Variants in RHOA observed in about 807,000 individuals in gnomAD.
RHOA encodes transforming protein RhoA.
In RHOA, 3 loss-of-function variants were observed where a neutral mutation model predicts 17.5. That is an observed-to-expected ratio of 0.17 (90% CI 0.08 to 0.44). RHOA has a LOEUF of 0.44. Ranked by LOEUF, RHOA falls within the 20% of genes least tolerant of loss-of-function variation. The pLI is 0.99. For synonymous variants in RHOA, 98 were observed against 88.4 expected (o/e 1.11, Z -0.61); for missense variants, 56 against 242.3 (o/e 0.23, Z 5.10).
rs201222578 is a variant in RHOA, at chr3:49,394,131, AAGTGCTGGGATT to A, written c.-3+17677_-3+17688del. On this transcript the variant is annotated intron_variant, in intron 1 of 4. Coordinates refer to ENST00000418115, the MANE Select transcript of RHOA (RefSeq NM_001664.4). Reference sequence around the variant, plus strand: ...GTGATCTGCCTGCCTCAGCCTCCCAAAGTGCTGGGATTACAGGTGTGAGCCACCGCCCCCGGC... The same window carrying A: ...GTGATCTGCCTGCCTCAGCCTCCCAAACAGGTGTGAGCCACCGCCCCCGGC... Among the ~76,000 whole-genome samples the A allele has an allele frequency of 6.5e-3, 987 of 152,042 alleles. 13 individuals are homozygous for A. Among genetic ancestry groups the A allele is most frequent in the African/African-American group, 0.022 (914 of 41,460 alleles).
chr3:49,372,733 CAAAAAAAAAAAA>C (rs11460016), intron 2 of RHOA, among the ~76,000 whole-genome samples: 1 of 83,150 alleles, frequency 1.2e-5, no homozygotes, highest in African/African-American at 4.3e-5. Context: ...GACTCTGTCT[CAAAAAAAAAAAA>C]AAAAAAAAGG....
intron 1 of RHOA, among the ~76,000 whole-genome samples, chr3:49,407,742 C>G (rs1290831851): frequency 1.3e-5 from 2 of 152,064 alleles, no homozygotes; most frequent in Admixed American, 6.6e-5. Context: ...TATGATTTGG[C>G]CCCTGCCCAC....
chr3:49,411,226 C>G (rs4855875), intron 1 of RHOA, among the ~76,000 whole-genome samples: 148,463 of 152,142 alleles, frequency 0.98, 72,553 homozygotes, highest in Middle Eastern at 1. Context: ...GGGCGCGTTC[C>G]AGGTGGTATG....
At chr3:49,388,749 G>A (rs964321918) in intron 1 of RHOA, among the ~76,000 whole-genome samples, 3 of 152,080 alleles carry the variant, frequency 2.0e-5, no homozygotes, top group African/African-American at 7.2e-5. Context: ...TTTGAAATGT[G>A]GAGCTGTTCA....
At chr3:49,399,641 A>G (rs1379664290) in intron 1 of RHOA, among the ~76,000 whole-genome samples, 1 of 150,510 alleles carries the variant, frequency 6.6e-6, no homozygotes, top group African/African-American at 2.5e-5. Context: ...GCTGGAGTGC[A>G]GTGGAGTGAT....
At chr3:49,387,753 CA>C (rs36093993) in intron 1 of RHOA, among the ~76,000 whole-genome samples, 116 of 139,664 alleles carry the variant, frequency 8.3e-4, no homozygotes, top group African/African-American at 1.8e-3. Flanking sequence ...AAAAAAAAAA[CA>C]AAAAAAAAAA....
chr3:49,359,961 C>T lies in RHOA; in HGVS notation c.*248G>A, dbSNP rs1401402995. 4.9e-6 allele frequency: 2 copies of T among 410,050 alleles called. No homozygotes were observed. Among genetic ancestry groups the T allele is most frequent in the African/African-American group, 2.1e-5 (1 of 48,686 alleles). The allele number at this position is 410,050 out of a possible 1,614,324, so 25.4% of individuals were successfully genotyped here. On this transcript the variant is annotated 3_prime_UTR_variant, in exon 5 of 5. Coordinates refer to ENST00000418115, the MANE Select transcript of RHOA (RefSeq NM_001664.4). ...GAAGTTAAGAAATTCCTTGAATTAG[C>T]GCCTGGTGTGTCAGGTGGGAGTGCA...
At chr3:49,408,985 G>C (rs1340405925) in intron 1 of RHOA, among the ~76,000 whole-genome samples, 1 of 151,578 alleles carries the variant, frequency 6.6e-6, no homozygotes, top group African/African-American at 2.4e-5. Context: ...TAGTAGAGAC[G>C]GGGTTTCACC....
intron 1 of RHOA, among the ~76,000 whole-genome samples, chr3:49,376,871 A>G (rs1459147016): frequency 6.6e-6 from 1 of 151,984 alleles, no homozygotes; most frequent in East Asian, 1.9e-4. Flanking sequence ...GCTCACGCCT[A>G]TAATCCCAGC....
At chr3:49,391,989 G>A (rs1483647694) in intron 1 of RHOA, among the ~76,000 whole-genome samples, 2 of 151,536 alleles carry the variant, frequency 1.3e-5, no homozygotes, top group East Asian at 3.9e-4. Flanking sequence ...CACTATGTTC[G>A]GCTCATTTCC....
At chr3:49,405,328 G>A (rs1488432941) in intron 1 of RHOA, among the ~76,000 whole-genome samples, 1 of 151,820 alleles carries the variant, frequency 6.6e-6, no homozygotes, top group Non-Finnish European at 1.5e-5. Context: ...CTAATGGGGA[G>A]GCTGAGGCAG....
chr3:49,407,624 T>C (rs1419320157), intron 1 of RHOA, among the ~76,000 whole-genome samples: 1 of 152,124 alleles, frequency 6.6e-6, no homozygotes, highest in Admixed American at 6.5e-5. Flanking sequence ...ACAGTGATTC[T>C]AGTTTTTTTT....
intron 1 of RHOA, among the ~76,000 whole-genome samples, chr3:49,402,009 A>G (rs1433799525): frequency 6.6e-6 from 1 of 152,198 alleles, no homozygotes; most frequent in East Asian, 1.9e-4. Context: ...CAGCAGGAAT[A>G]AGGCACATGG....
chr3:49,393,146 C>T (rs1039731839), intron 1 of RHOA, among the ~76,000 whole-genome samples: 1 of 151,930 alleles, frequency 6.6e-6, no homozygotes, highest in East Asian at 1.9e-4. Flanking sequence ...ACTCCAGCCT[C>T]GGCAACAGAG....
intron 1 of RHOA, among the ~76,000 whole-genome samples, chr3:49,389,716 C>A (rs1209477095): frequency 6.6e-6 from 1 of 151,602 alleles, no homozygotes; most frequent in African/African-American, 2.4e-5. Context: ...CCGAGGCAGG[C>A]GGATCACGAG....
intron 1 of RHOA, among the ~76,000 whole-genome samples, chr3:49,400,248 A>G (rs2048701285): frequency 6.7e-6 from 1 of 150,254 alleles, no homozygotes; most frequent in South Asian, 2.1e-4. Context: ...AAACTACAGA[A>G]GCATACTGCC....
At chr3:49,364,401 C>T (rs1004337385) in intron 3 of RHOA, among the ~76,000 whole-genome samples, 6 of 152,188 alleles carry the variant, frequency 3.9e-5, no homozygotes, top group Non-Finnish European at 7.3e-5. Context: ...TGGAGAATCG[C>T]TTGAACCCGG....
At chr3:49,394,257 G>A (rs530182557) in intron 1 of RHOA, among the ~76,000 whole-genome samples, 1 of 152,238 alleles carries the variant, frequency 6.6e-6, no homozygotes, top group East Asian at 1.9e-4. Flanking sequence ...GCCTGCCTCA[G>A]CCTCCCGAAG....
At chr3:49,398,187 C>G (rs2048651036) in intron 1 of RHOA, among the ~76,000 whole-genome samples, 2 of 143,226 alleles carry the variant, frequency 1.4e-5, no homozygotes, top group Admixed American at 6.9e-5. Flanking sequence ...ACGGTGAAAC[C>G]CCATCTCTAC....
Sources: gnomAD v4.1 joint callset for allele counts (sites outside exome capture counted in the v4.1 genomes callset) on GRCh38, gnomAD v4.1.1 for gene constraint, MANE v1.5 for transcripts, NCBI Gene and HGNC (gene_info 2026-07-23, HGNC 2026-07-21) for gene names.